Variants in EPHA8 observed in about 807,000 individuals in gnomAD.
EPHA8 encodes the protein EPH receptor A8, also known as ephrin type-A receptor 8.
Under a neutral mutation model 103.6 loss-of-function variants are expected in EPHA8, and 58 were observed. The observed-to-expected ratio is 0.56, with a 90% confidence interval of 0.45 to 0.70. The LOEUF (loss-of-function observed/expected upper bound fraction) is 0.70. Among genes scored for constraint, EPHA8 ranks in the 30% least tolerant of loss-of-function variants. The pLI is 0.00. For synonymous variants in EPHA8, 559 were observed against 572.5 expected (o/e 0.98, Z 0.34); for missense variants, 1,304 against 1,395.2 (o/e 0.93, Z 1.04).
rs1319372153 is a variant in EPHA8, at chr1:22,603,177, CT to C, written c.*1437del. On this transcript the variant is annotated 3_prime_UTR_variant, in exon 17 of 17. Coordinates refer to ENST00000166244, the MANE Select transcript of EPHA8 (RefSeq NM_020526.5). ...GCCCAGCTGCCCAGCCCTGCCCCCCCTCCCCATAGCCAGCACAGCTATCCCG... is the reference window on the plus strand; with the variant it reads ...GCCCAGCTGCCCAGCCCTGCCCCCCCCCCCATAGCCAGCACAGCTATCCCG... 1.3e-5 allele frequency: 2 copies of C among 152,450 alleles called. No homozygotes were observed. The highest frequency in any genetic ancestry group is 2.4e-5 in the African/African-American group (1 of 41,382). The allele number at this position is 152,450 out of a possible 1,614,324, so 9.4% of individuals were successfully genotyped here.
Position 22,567,394 on chromosome 1 carries a change from A to G in EPHA8, c.95-1895A>G, listed in dbSNP as rs1640395923. Among the ~76,000 whole-genome samples, 1 of 151,990 alleles carries G rather than the reference A, an allele frequency of 6.6e-6. No individual in the cohort carries two copies. Among genetic ancestry groups the G allele is most frequent in the Admixed American group, 6.5e-5 (1 of 15,284 alleles). On this transcript the variant is annotated intron_variant, in intron 1 of 16. Coordinates refer to ENST00000166244, the MANE Select transcript of EPHA8 (RefSeq NM_020526.5). This position sits in a 1 kb window ranked among gnomAD's most constrained non-coding sequence, Gnocchi z 4.2. ...GCTTGCCTGACCCAGTTTTCTCTAC[A>G]TTGCCTGAGAGGGAGGGAGGCAGGC...
In EPHA8 at chr1:22,576,652, A is replaced by G. The variant is rs1260845914; in HGVS notation, c.595A>G (p.Ile199Val). The change falls in exon 3 of 17, where the codon ATC (isoleucine) becomes GTC (valine). Residue 199 changes from isoleucine (I) to valine (V), a missense_variant. Ile to Val is a conservative substitution (Grantham distance 29). Coordinates refer to ENST00000166244, the MANE Select transcript of EPHA8 (RefSeq NM_020526.5). The surrounding 1 kb of genome is among the most constrained non-coding windows in gnomAD (Gnocchi z 4.8). The part of the protein sequence containing the change: ...GACLAILSLR[I>V]YYKKCPAMVR... Reference sequence around the variant, plus strand: ...CTGCCTGGCCATCCTCTCTCTCCGCATCTACTATAAGAAGTGCCCTGCCAT... The same window carrying G: ...CTGCCTGGCCATCCTCTCTCTCCGCGTCTACTATAAGAAGTGCCCTGCCAT... 3 of 1,613,586 alleles carry G rather than the reference A, an allele frequency of 1.9e-6. No individual in the cohort carries two copies. Among genetic ancestry groups the G allele is most frequent in the East Asian group, 4.5e-5 (2 of 44,864 alleles).
At chr1:22,596,593 C>G (rs1284792565) in intron 9 of EPHA8, among the ~76,000 whole-genome samples, 2 of 152,122 alleles carry the variant, frequency 1.3e-5, no homozygotes, top group Non-Finnish European at 2.9e-5. Flanking sequence ...TCCCACCAGG[C>G]CTGGGTGCAG....
rs553007693 is a variant in EPHA8 at position 22,570,666 on chromosome 1, G to A, written c.159+1313G>A. 1.1e-4 allele frequency among the ~76,000 whole-genome samples: 17 copies of A among 152,354 alleles called. 1 individual carries two copies. The highest frequency in any genetic ancestry group is 4.1e-4 in the South Asian group (2 of 4,834). On this transcript the variant is annotated intron_variant, in intron 2 of 16. Coordinates refer to ENST00000166244, the MANE Select transcript of EPHA8 (RefSeq NM_020526.5). ...TCTGGGGGTCTGGTCACCAGGCAGC[G>A]GTGAGCTGAGCCTGTTATCAGCCCT...
chr1:22,577,112 A>G (rs1009233056), intron 3 of EPHA8, among the ~76,000 whole-genome samples: 3 of 152,112 alleles, frequency 2.0e-5, no homozygotes, highest in African/African-American at 7.2e-5. Flanking sequence ...AGAGGGAGGG[A>G]AACAGACCCC....
At chr1:22,570,916 G>A (rs996666977) in intron 2 of EPHA8, among the ~76,000 whole-genome samples, 1 of 152,256 alleles carries the variant, frequency 6.6e-6, no homozygotes, top group Non-Finnish European at 1.5e-5. Flanking sequence ...GAAGGGCTTT[G>A]GTGCAGTGAG....
chr1:22,580,508 C>T (rs1020838636), intron 3 of EPHA8, among the ~76,000 whole-genome samples: 2 of 152,116 alleles, frequency 1.3e-5, no homozygotes, highest in African/African-American at 4.8e-5. Context: ...CTGTCCCGAG[C>T]TCTAAACCCC....
intron 3 of EPHA8, among the ~76,000 whole-genome samples, chr1:22,579,210 T>C (rs1053418122): frequency 1.6e-5 from 2 of 126,342 alleles, no homozygotes; most frequent in Admixed American, 1.5e-4. Flanking sequence ...CCTGTGTGCA[T>C]GTGTGTGTAT....
chr1:22,585,247 C>T (rs938820524), intron 3 of EPHA8, among the ~76,000 whole-genome samples: 1 of 152,058 alleles, frequency 6.6e-6, no homozygotes. Context: ...GGGTGAGGGG[C>T]AGCACTAAAC....
Position 22,576,529 on chromosome 1 carries a change from G to A in EPHA8, c.472G>A (p.Asp158Asn), listed in dbSNP as rs1640703306. ...GGCCGACGAGAGCTTCACAGGTGCC[G>A]ACCTTGGTGTGCGGCGTCTCAAGCT... Reference protein sequence around the residue: ...IAADESFTGADLGVRRLKLNT... With the variant: ...IAADESFTGANLGVRRLKLNT... The change falls in exon 3 of 17, where the codon GAC becomes AAC. Residue 158 changes from aspartate to asparagine, a missense_variant. Asp to Asn is a conservative substitution (Grantham distance 23). Transcript: ENST00000166244. The surrounding 1 kb of genome is among the most constrained non-coding windows in gnomAD (Gnocchi z 4.8). 3 of 1,614,126 alleles carry A rather than the reference G, an allele frequency of 1.9e-6. No homozygotes were observed. Among genetic ancestry groups the A allele is most frequent in the Admixed American group, 1.7e-5 (1 of 60,024 alleles).
intron 1 of EPHA8, among the ~76,000 whole-genome samples, chr1:22,564,667 C>T (rs1029597467): frequency 3.9e-5 from 6 of 151,998 alleles, no homozygotes; most frequent in African/African-American, 9.7e-5. Flanking sequence ...CCCACACACC[C>T]GTTAGCTCCC....
chr1:22,578,546 C>T (rs541910749), intron 3 of EPHA8, among the ~76,000 whole-genome samples: 72 of 118,108 alleles, frequency 6.1e-4, no homozygotes, highest in African/African-American at 2.0e-3. Flanking sequence ...TGCATGTGTG[C>T]GTGAGTGTGC....
intron 3 of EPHA8, among the ~76,000 whole-genome samples, chr1:22,577,562 G>A (rs1434610791): frequency 2.0e-5 from 3 of 152,242 alleles, no homozygotes; most frequent in Middle Eastern, 3.4e-3. Context: ...CTGGGGCCCT[G>A]AACAGGCTGC....
Position 22,579,226 on chromosome 1 carries a change from CAT to C in EPHA8, c.823+2347_823+2348del, listed in dbSNP as rs573075381. Among the ~76,000 whole-genome samples, 818 of 147,478 alleles carry C rather than the reference CAT, an allele frequency of 5.5e-3. 5 individuals are homozygous for C. Among genetic ancestry groups the C allele is most frequent in the African/African-American group, 0.019 (739 of 39,640 alleles). ...CTGTGTGCATGTGTGTGTATGTATG[CAT>C]GTGTGTGCATGTGAGTATATGTGTA... On this transcript the variant is annotated intron_variant, in intron 3 of 16. Coordinates refer to ENST00000166244, the MANE Select transcript of EPHA8 (RefSeq NM_020526.5).
Position 22,576,371 on chromosome 1 carries a change from T to A in EPHA8, c.314T>A (p.Leu105Gln), listed in dbSNP as rs1557555997. The part of the protein sequence containing the change: ...RRVYAEIKFT[L>Q]RDCNSMPGVL... ...GTCTATGCTGAGATCAAGTTTACCC[T>A]GCGCGACTGCAACAGCATGCCTGGT... Residue 105 changes from leucine to glutamine, a missense_variant, in exon 3 of 17, where the codon CTG (leucine) becomes CAG (glutamine). Physicochemically the swap from Leu to Gln is moderately radical, Grantham distance 113 (BLOSUM62 -2). Transcript: ENST00000166244. This position sits in a 1 kb window ranked among gnomAD's most constrained non-coding sequence, Gnocchi z 4.8. The A allele has an allele frequency of 6.2e-7, 1 of 1,613,658 alleles. No homozygotes were observed. The highest frequency in any genetic ancestry group is 1.7e-5 in the Admixed American group (1 of 60,024).
Position 22,569,287 on chromosome 1 carries a change from A to G in EPHA8, c.95-2A>G. The G allele has an allele frequency of 6.2e-7, 1 of 1,613,282 alleles. No individual in the cohort carries two copies. Among genetic ancestry groups the G allele is most frequent in the Non-Finnish European group, 8.5e-7 (1 of 1,179,658 alleles). On this transcript the variant is annotated splice_acceptor_variant, in intron 1 of 16. Transcript: ENST00000166244. LOFTEE classifies it high-confidence loss of function. The surrounding 1 kb of genome is among the most constrained non-coding windows in gnomAD (Gnocchi z 4.5). ...GATGCCCTCTTGTCTCCTGTTTTAC[A>G]GTGAATTTGCTGGACACGTCGACCA...
intron 4 of EPHA8, among the ~76,000 whole-genome samples, chr1:22,588,100 T>C (rs1412170337): frequency 2.0e-5 from 3 of 152,238 alleles, no homozygotes; most frequent in South Asian, 2.1e-4. Context: ...ATGTTAAAAA[T>C]TCTCTTCTCT....
In EPHA8 at chr1:22,601,300, G is replaced by C; in HGVS notation, c.2730G>C (p.Arg910Ser). The change falls in exon 16 of 17, where the codon AGG becomes AGC. Residue 910 changes from arginine to serine, a missense_variant and splice_region_variant. Coordinates refer to ENST00000166244, the MANE Select transcript of EPHA8 (RefSeq NM_020526.5). ...CTTACCAAGAGCCCCTGTGCCTCAG[G>C]TGCCCACCCCCTGCCTTCGTCCGGA... ...ESLRATATVSRCPPPAFVRSC... is the reference protein window; with the variant it reads ...ESLRATATVSSCPPPAFVRSC... 1 of 1,595,558 alleles carries C rather than the reference G, an allele frequency of 6.3e-7. No individual in the cohort carries two copies. The highest frequency in any genetic ancestry group is 2.2e-5 in the East Asian group (1 of 44,758).
rs958885328 is a variant in EPHA8 at position 22,601,656 on chromosome 1, T to G, written c.2933T>G (p.Met978Arg). Residue 978 changes from methionine (M) to arginine (R), a missense_variant, in exon 17 of 17, where the codon ATG (methionine) becomes AGG (arginine). Coordinates refer to ENST00000166244, the MANE Select transcript of EPHA8 (RefSeq NM_020526.5). Reference sequence around the variant, plus strand: ...GTGCGCGCCCTGGGCATCACCCTCATGGGCCACCAGAAGAAGATCCTGGGC... The same window carrying G: ...GTGCGCGCCCTGGGCATCACCCTCAGGGGCCACCAGAAGAAGATCCTGGGC... ...QDVRALGITL[M>R]GHQKKILGSI... 6.3e-7 allele frequency: 1 copy of G among 1,595,450 alleles called. No homozygotes were observed. Among genetic ancestry groups the G allele is most frequent in the African/African-American group, 1.3e-5 (1 of 74,248 alleles).
Sources: allele counts gnomAD v4.1 joint callset (sites outside exome capture counted in the v4.1 genomes callset), GRCh38; gene constraint gnomAD v4.1.1; non-coding constraint Gnocchi (gnomAD v3.1); transcripts MANE v1.5; gene names NCBI Gene and HGNC (gene_info 2026-07-23, HGNC 2026-07-21).